TASP1: variants seen among roughly 807,000 people sequenced by gnomAD.
The protein encoded by TASP1 is threonine aspartase 1.
A neutral mutation model predicts 56.6 loss-of-function variants in TASP1; 16 were observed. That is an observed-to-expected ratio of 0.28 (90% CI 0.19 to 0.43). TASP1 has a LOEUF of 0.43. TASP1 is among the 20% of genes least tolerant of loss of function. The pLI, the probability that TASP1 is intolerant of heterozygous loss-of-function variation, is 1.00. For missense variants in TASP1, 393 were observed against 511.6 expected, an observed-to-expected ratio of 0.77 and a Z score of 2.24; for synonymous variants, 179 against 184.2, an observed-to-expected ratio of 0.97 and a Z score of 0.23.
At chr20:13,274,574 C>A in the TASP1 span, among the ~76,000 whole-genome samples, 6 of 152,180 alleles carry the variant, frequency 3.9e-5, no homozygotes, top group Admixed American at 3.9e-4. Flanking sequence ...GGAAGTGTTT[C>A]CCACGCTCCA....
chr20:13,579,678 C>T (rs1245984220), intron 6 of TASP1, among the ~76,000 whole-genome samples: 1 of 152,144 alleles, frequency 6.6e-6, no homozygotes, highest in Non-Finnish European at 1.5e-5. Flanking sequence ...TATCAGGAAA[C>T]TTACTGAAAT....
Position 13,438,552 on chromosome 20 carries a change from C to A in TASP1, c.986-3398G>T, listed in dbSNP as rs1403741290. ...TGTTAGACCTAAAACCATAAAAACC[C>A]TAGAAGAAAACCTAGGCAATACCAT... On this transcript the variant is annotated intron_variant, in intron 11 of 13. Transcript: ENST00000337743. Among the ~76,000 whole-genome samples the A allele has an allele frequency of 2.6e-5, 4 of 152,126 alleles. No individual in the cohort carries two copies. The East Asian group carries it at 5.8e-4, about 22-fold the overall frequency.
intron 4 of TASP1, among the ~76,000 whole-genome samples, chr20:13,621,324 G>A (rs1477277214): frequency 3.3e-5 from 5 of 152,158 alleles, no homozygotes; most frequent in South Asian, 2.1e-4. Context: ...CCAGCTACAC[G>A]GGAGGCTGAG....
intron 6 of TASP1, among the ~76,000 whole-genome samples, chr20:13,577,520 G>A (rs548081200): frequency 6.6e-6 from 1 of 152,098 alleles, no homozygotes; most frequent in South Asian, 2.1e-4. Context: ...TTTGGAGATG[G>A]GGCCTTTGGG....
chr20:13,487,398 C>T (rs1361024871), intron 10 of TASP1, among the ~76,000 whole-genome samples: 2 of 152,168 alleles, frequency 1.3e-5, no homozygotes, highest in Non-Finnish European at 2.9e-5. Context: ...TGTCAATGCC[C>T]TGATTGTGTA....
chr20:13,452,264 T>C (rs576117123), intron 11 of TASP1, among the ~76,000 whole-genome samples: 15 of 152,196 alleles, frequency 9.9e-5, no homozygotes, highest in Admixed American at 5.2e-4. Flanking sequence ...AGAGTTGCCA[T>C]AGATCTTCAA....
chr20:13,293,962 G>C, the TASP1 span, among the ~76,000 whole-genome samples: 1 of 150,560 alleles, frequency 6.6e-6, no homozygotes, highest in Non-Finnish European at 1.5e-5. Flanking sequence ...CAACAAGAGT[G>C]AAACTCCATC....
intron 13 of TASP1, among the ~76,000 whole-genome samples, chr20:13,406,481 G>T (rs2041924272): frequency 6.6e-6 from 1 of 151,908 alleles, no homozygotes; most frequent in Non-Finnish European, 1.5e-5. Flanking sequence ...TTGTACTAGT[G>T]GAGCATCCAA....
chr20:13,513,973 C>T lies in TASP1; in HGVS notation c.874+14460G>A, dbSNP rs912411726. On this transcript the variant is annotated intron_variant, in intron 10 of 13. Coordinates refer to ENST00000337743, the MANE Select transcript of TASP1 (RefSeq NM_017714.3). ...ACTTGAGAATATTATATTTCCATAT[C>T]CCACAAAATTTACTTTTGCATGAGA... 2.0e-5 allele frequency among the ~76,000 whole-genome samples: 3 copies of T among 152,114 alleles called. No individual in the cohort carries two copies. In the South Asian group the frequency reaches 6.2e-4, roughly 32 times the overall value.
At chr20:13,289,053 T>A in the TASP1 span, among the ~76,000 whole-genome samples, 1 of 152,228 alleles carries the variant, frequency 6.6e-6, no homozygotes, top group Non-Finnish European at 1.5e-5. Flanking sequence ...CCCAAGGTGC[T>A]GGGATTACAG....
chr20:13,315,424 G>C, the TASP1 span, among the ~76,000 whole-genome samples: 15,927 of 151,940 alleles, frequency 0.1, 1,391 homozygotes, highest in African/African-American at 0.23. Context: ...ACCAAGGAAA[G>C]TTATCAGGGA....
the TASP1 span, among the ~76,000 whole-genome samples, chr20:13,227,780 T>A: frequency 1.3e-5 from 2 of 152,116 alleles, no homozygotes; most frequent in South Asian, 4.1e-4. Context: ...AGTGCTGGGA[T>A]TACAGGTGTG....
chr20:13,190,369 G>A, the TASP1 span, among the ~76,000 whole-genome samples: 1 of 152,050 alleles, frequency 6.6e-6, no homozygotes, highest in African/African-American at 2.4e-5. Flanking sequence ...CCATGGTACT[G>A]GCATAAAAAC....
At chr20:13,139,723 CTT>C in the TASP1 span, among the ~76,000 whole-genome samples, 1 of 152,218 alleles carries the variant, frequency 6.6e-6, no homozygotes, top group African/African-American at 2.4e-5. Context: ...AAGAACCAGA[CTT>C]TGCCACAGTA....
chr20:13,613,471 A>G (rs1223093551), intron 4 of TASP1, among the ~76,000 whole-genome samples: 1 of 152,166 alleles, frequency 6.6e-6, no homozygotes, highest in Admixed American at 6.5e-5. Context: ...TCTTAAGTCA[A>G]TGCTTGTATA....
chr20:13,299,183 G>A, the TASP1 span: 1 of 1,606,938 alleles, frequency 6.2e-7, no homozygotes, highest in Non-Finnish European at 8.5e-7. The surrounding 1 kb of genome is among the most constrained non-coding windows in gnomAD (Gnocchi z 5.8). Context: ...GCTCCATGCT[G>A]TCCCTGGAGA....
chr20:13,297,867 G>C, the TASP1 span, among the ~76,000 whole-genome samples: 30 of 152,222 alleles, frequency 2.0e-4, no homozygotes, highest in African/African-American at 6.5e-4. Flanking sequence ...CAGGTCACTG[G>C]CCTGTGACCC....
the TASP1 span, among the ~76,000 whole-genome samples, chr20:13,154,752 T>C: frequency 2.0e-5 from 3 of 152,218 alleles, no homozygotes; most frequent in African/African-American, 7.2e-5. Flanking sequence ...ATTGCAACTT[T>C]GAAACAGCAT....
At position 13,514,156 on chromosome 20, in the gene TASP1, A is replaced by G. The variant is rs528486645; in HGVS notation, c.874+14277T>C. 7.6e-4 allele frequency among the ~76,000 whole-genome samples: 116 copies of G among 152,258 alleles called. 2 individuals carry two copies. The South Asian group carries it at 0.023, about 30-fold the overall frequency. On this transcript the variant is annotated intron_variant, in intron 10 of 13. Transcript: ENST00000337743. Reference sequence around the variant, plus strand: ...TATACTGCAGTAAATACTCTTTTATATATCTGAGAACACATCACTACATCA... The same window carrying G: ...TATACTGCAGTAAATACTCTTTTATGTATCTGAGAACACATCACTACATCA...
Sources: allele counts gnomAD v4.1 joint callset (sites outside exome capture counted in the v4.1 genomes callset), GRCh38; gene constraint gnomAD v4.1.1; non-coding constraint Gnocchi (gnomAD v3.1); transcripts MANE v1.5; gene names NCBI Gene and HGNC (gene_info 2026-07-23, HGNC 2026-07-21).